The following ZNF737 variants were observed in gnomAD, a reference collection of about 807,000 sequenced individuals.
The protein encoded by ZNF737 is zinc finger protein 737.
In ZNF737, 13 loss-of-function variants were observed where a neutral mutation model predicts 11.7. That is an observed-to-expected ratio of 1.11 (90% CI 0.73 to 1.77). The LOEUF (loss-of-function observed/expected upper bound fraction) is 1.77, where lower values mean the gene tolerates loss of function less well. Ranked by LOEUF, ZNF737 falls within the 40% of genes most tolerant of loss-of-function variation. ZNF737 has a pLI of 0.00. For synonymous variants in ZNF737, 217 were observed against 216.2 expected (o/e 1.00, Z -0.03); for missense variants, 636 against 638.0 (o/e 1.00, Z 0.03).
chr19:20,538,689 T>A lies in ZNF737; in HGVS notation c.*5903A>T. 2 of 985,382 alleles carry A rather than the reference T, an allele frequency of 2.0e-6. No homozygotes were observed. The allele number at this position is 985,382 out of a possible 1,614,324, so 61.0% of individuals were successfully genotyped here. A position where few individuals can be genotyped will look rare whatever the true frequency, so the allele number is the denominator to read the frequency against. Reference sequence around the variant, plus strand: ...AATTCAGGGGGAATTGGTATCTCTGTAAAGAGACAGTAAGGAAATGCTGAG... The same window carrying A: ...AATTCAGGGGGAATTGGTATCTCTGAAAAGAGACAGTAAGGAAATGCTGAG... On this transcript the variant is annotated 3_prime_UTR_variant, in exon 4 of 4. Transcript: ENST00000427401.
chr19:20,560,517 A>G (rs1348448487), intron 1 of ZNF737, among the ~76,000 whole-genome samples: 3 of 152,158 alleles, frequency 2.0e-5, no homozygotes, highest in Non-Finnish European at 4.4e-5. Flanking sequence ...GCAGTGGCTC[A>G]TGCCTGTAAT....
chr19:20,556,573 T>C (rs1968896505), intron 1 of ZNF737, among the ~76,000 whole-genome samples: 1 of 152,222 alleles, frequency 6.6e-6, no homozygotes, highest in African/African-American at 2.4e-5. Context: ...CTGTCAATGC[T>C]GATGTTGCTC....
In ZNF737 at chr19:20,545,053, GGT is replaced by G. The variant is rs1161407159; in HGVS notation, c.1148_1149del (p.His383ProfsTer5). The G allele has an allele frequency of 6.2e-7, 1 of 1,613,602 alleles. No individual in the cohort carries two copies. Among genetic ancestry groups the G allele is most frequent in the African/African-American group, 1.3e-5 (1 of 74,874 alleles). Reference protein sequence around the residue: ...ECGKAFNWSSHLTTHKRIHTG... With the variant: ...ECGKAFNWSSXLTTHKRIHTG... ...GTATGAATTCTCTTATGTGTAGTAAGGTGTGAGGACCAGTTGAAGGCTTTGCC... is the reference window on the plus strand; with the variant it reads ...GTATGAATTCTCTTATGTGTAGTAAGGTGAGGACCAGTTGAAGGCTTTGCC... On this transcript the variant is annotated frameshift_variant, in exon 4 of 4. Coordinates refer to ENST00000427401, the MANE Select transcript of ZNF737 (RefSeq NM_001159293.2). LOFTEE classifies it low-confidence loss of function (END_TRUNC).
At chr19:20,550,624 TCA>T (rs1168913573) in intron 3 of ZNF737, among the ~76,000 whole-genome samples, 2 of 152,164 alleles carry the variant, frequency 1.3e-5, no homozygotes, top group African/African-American at 4.8e-5. Context: ...GGATTATGAC[TCA>T]CACCTGTAAT....
rs1968308249 is a variant in ZNF737 at position 20,543,623 on chromosome 19, T to C, written c.*969A>G. Reference sequence around the variant, plus strand: ...AGTTTTGCCACATTCTTCACACTTGTAGGAGTTTTGCCAGTATGAATTATC... The same window carrying C: ...AGTTTTGCCACATTCTTCACACTTGCAGGAGTTTTGCCAGTATGAATTATC... On this transcript the variant is annotated 3_prime_UTR_variant, in exon 4 of 4. Coordinates refer to ENST00000427401, the MANE Select transcript of ZNF737 (RefSeq NM_001159293.2). 1 of 985,414 alleles carries C rather than the reference T, an allele frequency of 1.0e-6. No homozygotes were observed. The highest frequency in any genetic ancestry group is 6.1e-5 in the Admixed American group (1 of 16,262). 61.0% of individuals were successfully genotyped at this position (985,414 alleles called of 1,614,324 possible).
At chr19:20,537,148 T>A (rs1555754022), downstream of ZNF737, among the ~76,000 whole-genome samples, 1 of 151,366 alleles carries the variant, frequency 6.6e-6, no homozygotes. Context: ...CTTTTTTGGT[T>A]GCTACACACG....
chr19:20,563,948 G>C (rs782713506), intron 1 of ZNF737: 1 of 152,100 alleles, frequency 6.6e-6, no homozygotes, highest in African/African-American at 2.4e-5. Flanking sequence ...GGTAGATCAC[G>C]ATGTCAGAAG....
intron 3 of ZNF737, chr19:20,551,005 G>C (rs1568431099): frequency 6.6e-6 from 1 of 152,208 alleles, no homozygotes; most frequent in Non-Finnish European, 1.5e-5. Flanking sequence ...CTGGATGAAG[G>C]CACCCATTTA....
At chr19:20,537,441 A>G (rs1378808934), downstream of ZNF737, among the ~76,000 whole-genome samples, 4 of 144,274 alleles carry the variant, frequency 2.8e-5, no homozygotes, top group Non-Finnish European at 4.5e-5. Context: ...ACCTCAGGTG[A>G]TCCACCCGCC....
rs782287302 is a variant in ZNF737 at position 20,544,971 on chromosome 19, G to A, written c.1232C>T (p.Ser411Phe). ...ATGGATTATCTTATGTGTAGTAAGG[G>A]AAGAGGAGTACTTAAAGGCTTCGCC... The part of the protein sequence containing the change: ...ECGEAFKYSS[S>F]LTTHKIIHTG... Residue 411 changes from serine (S) to phenylalanine (F), a missense_variant, in exon 4 of 4, where the codon TCC becomes TTC. Ser to Phe is a radical substitution (Grantham distance 155, BLOSUM62 -2). Transcript: ENST00000427401. The A allele has an allele frequency of 2.0e-5, 32 of 1,609,002 alleles. 1 individual carries two copies. The South Asian group carries it at 3.2e-4, about 16-fold the overall frequency.
chr19:20,541,651 C>A lies in ZNF737; in HGVS notation c.*2941G>T, dbSNP rs548660436. Among the ~76,000 whole-genome samples, 1 of 152,252 alleles carries A rather than the reference C, an allele frequency of 6.6e-6. No individual in the cohort carries two copies. Among genetic ancestry groups the A allele is most frequent in the African/African-American group, 2.4e-5 (1 of 41,578 alleles). On this transcript the variant is annotated 3_prime_UTR_variant, in exon 4 of 4. Coordinates refer to ENST00000427401, the MANE Select transcript of ZNF737 (RefSeq NM_001159293.2). ...ACGTTGGCCAGGCTGGCCTTGAACT[C>A]CTAACCTCAAGCATTCCACCTGTCT...
At chr19:20,555,674 C>T (rs913935275) in intron 1 of ZNF737, among the ~76,000 whole-genome samples, 4 of 152,086 alleles carry the variant, frequency 2.6e-5, no homozygotes, top group Non-Finnish European at 4.4e-5. Flanking sequence ...CTTTGACTAT[C>T]GTAAGAATTT....
chr19:20,545,742 A>G lies in ZNF737; in HGVS notation c.461T>C (p.Ile154Thr), dbSNP rs781818771. ...IFQCDKYVKV[I>T]HKFSNSNRHK... is the part of the protein sequence containing the mutation. Reference sequence around the variant, plus strand: ...TCTGTTTGAATTTGAAAATTTATGAATGACTTTCACATATTTATCACACTG... The same window carrying G: ...TCTGTTTGAATTTGAAAATTTATGAGTGACTTTCACATATTTATCACACTG... The change falls in exon 4 of 4, where the codon ATT (isoleucine) becomes ACT (threonine). Residue 154 changes from isoleucine to threonine, a missense_variant. Coordinates refer to ENST00000427401, the MANE Select transcript of ZNF737 (RefSeq NM_001159293.2). 6.2e-7 allele frequency: 1 copy of G among 1,613,032 alleles called. No homozygotes were observed. Among genetic ancestry groups the G allele is most frequent in the African/African-American group, 1.3e-5 (1 of 74,896 alleles).
downstream of ZNF737, among the ~76,000 whole-genome samples, chr19:20,532,704 T>C (rs1555753122): frequency 6.7e-6 from 1 of 150,026 alleles, no homozygotes; most frequent in Admixed American, 6.6e-5. Flanking sequence ...GTTCTGTTCG[T>C]CTATCTAGGA....
At position 20,543,513 on chromosome 19, in the gene ZNF737, T is replaced by G; in HGVS notation, c.*1079A>C. 1 of 985,016 alleles carries G rather than the reference T, an allele frequency of 1.0e-6. No homozygotes were observed. The highest frequency in any genetic ancestry group is 1.2e-6 in the Non-Finnish European group (1 of 829,540). 61.0% of individuals were successfully genotyped at this position (985,016 alleles called of 1,614,324 possible). A position where few individuals can be genotyped will look rare whatever the true frequency, so the allele number is the denominator to read the frequency against. On this transcript the variant is annotated 3_prime_UTR_variant, in exon 4 of 4. Coordinates refer to ENST00000427401, the MANE Select transcript of ZNF737 (RefSeq NM_001159293.2). ...TGAGTTAGATGTGAGTAGGAATTAA[T>G]AGGTTTTCCATATTCCTTCTATTTG...
rs782569026 is a variant in ZNF737, at chr19:20,552,490, C to T, written c.211G>A (p.Val71Ile). 264 of 1,592,534 alleles carry T rather than the reference C, an allele frequency of 1.7e-4. No homozygotes were observed. Among genetic ancestry groups the T allele is most frequent in the South Asian group, 2.8e-4 (24 of 86,952 alleles). Residue 71 changes from valine (V) to isoleucine (I), a missense_variant, in exon 3 of 4, where the codon GTA becomes ATA. By Grantham distance (29) the Val-to-Ile change is conservative (BLOSUM62 3). Coordinates refer to ENST00000427401, the MANE Select transcript of ZNF737 (RefSeq NM_001159293.2). The part of the protein sequence containing the change: ...KPLTMKKHEM[V>I]ANPSVTCSHF... ...TTGCACCTACCTGAGGGGTTGGCTACCATCTCATGTTTCTTCATGGTCAAA... is the reference window on the plus strand; with the variant it reads ...TTGCACCTACCTGAGGGGTTGGCTATCATCTCATGTTTCTTCATGGTCAAA...
intron 3 of ZNF737, among the ~76,000 whole-genome samples, chr19:20,551,737 A>G (rs1318892966): frequency 1.3e-5 from 2 of 152,038 alleles, no homozygotes; most frequent in African/African-American, 4.8e-5. Context: ...AGGTAAGAAA[A>G]TGTTTACAAT....
In ZNF737 at chr19:20,541,534, C is replaced by T. The variant is rs1343316374; in HGVS notation, c.*3058G>A. On this transcript the variant is annotated 3_prime_UTR_variant, in exon 4 of 4. Coordinates refer to ENST00000427401, the MANE Select transcript of ZNF737 (RefSeq NM_001159293.2). ...TGATCTCAGCTCACTGCAACCTCTG[C>T]CTCCTGGGCTCAAACGATTCTCCTG... 2.4e-6 allele frequency: 1 copy of T among 423,440 alleles called. No homozygotes were observed. The highest frequency in any genetic ancestry group is 1.6e-4 in the East Asian group (1 of 6,314). 26.2% of individuals were successfully genotyped at this position (423,440 alleles called of 1,614,324 possible). A position where few individuals can be genotyped will look rare whatever the true frequency, so the allele number is the denominator to read the frequency against.
chr19:20,564,841 CAT>C (rs34843517), intron 1 of ZNF737, among the ~76,000 whole-genome samples: 74,941 of 150,928 alleles, frequency 0.5, 19,092 homozygotes, highest in Middle Eastern at 0.57. Context: ...AATCTAAGCT[CAT>C]GTGCATTTTT....
Sources: gnomAD v4.1 joint callset for allele counts (sites outside exome capture counted in the v4.1 genomes callset) on GRCh38, gnomAD v4.1.1 for gene constraint, MANE v1.5 for transcripts, NCBI Gene and HGNC (gene_info 2026-07-23, HGNC 2026-07-21) for gene names.